The following DOC2B variants were observed in gnomAD, a reference collection of about 807,000 sequenced individuals.
DOC2B encodes the protein double C2 domain beta, also known as double C2-like domain-containing protein beta.
Under a neutral mutation model 28.9 loss-of-function variants are expected in DOC2B, and 21 were observed. The ratio of observed to expected loss-of-function variants is 0.73; its 90% CI spans 0.52 to 1.05. DOC2B has a LOEUF of 1.05. Ranked by LOEUF, DOC2B falls within the 50% of genes least tolerant of loss-of-function variation. DOC2B has a pLI of 0.00. For synonymous variants in DOC2B, 194 were observed against 178.1 expected, an observed-to-expected ratio of 1.09 and a Z score of -0.71; for missense variants, 384 against 421.1, an observed-to-expected ratio of 0.91 and a Z score of 0.77.
At chr17:177,212 C>T in intron 1 of DOC2B, among the ~76,000 whole-genome samples, 1 of 152,086 alleles carries the variant, frequency 6.6e-6, no homozygotes, top group Non-Finnish European at 1.5e-5. Context: ...AGCCATCATC[C>T]CTGCTTCCCA....
intron 1 of DOC2B, among the ~76,000 whole-genome samples, chr17:180,347 G>A (rs2151479165): frequency 6.6e-6 from 1 of 152,224 alleles, no homozygotes; most frequent in South Asian, 2.1e-4. Flanking sequence ...CCGGGACTCC[G>A]GCGCTTGCCT....
chr17:176,225 G>A (rs898760129), intron 1 of DOC2B, among the ~76,000 whole-genome samples: 5 of 151,242 alleles, frequency 3.3e-5, no homozygotes, highest in African/African-American at 1.2e-4. Flanking sequence ...ACAGGGTCTT[G>A]TTCTGTTACC....
Position 144,923 on chromosome 17 carries a change from G to C in DOC2B, c.*2518C>G, listed in dbSNP as rs2040008738. On this transcript the variant is annotated 3_prime_UTR_variant, in exon 9 of 9. Coordinates refer to ENST00000613549, the MANE Select transcript of DOC2B (RefSeq NM_003585.5). ...TTTGCCATTCACTTCTGTGTCTTCA[G>C]AGAGGCTGTCAAATCTCCTCTCTGA... The C allele has an allele frequency of 6.6e-6, 1 of 152,200 alleles. No individual in the cohort carries two copies. The highest frequency in any genetic ancestry group is 1.5e-5 in the Non-Finnish European group (1 of 68,032). 9.4% of individuals were successfully genotyped at this position (152,200 alleles called of 1,614,324 possible).
intron 5 of DOC2B, among the ~76,000 whole-genome samples, chr17:159,716 G>C (rs2040177387): frequency 1.3e-5 from 2 of 152,148 alleles, no homozygotes; most frequent in Admixed American, 1.3e-4. Flanking sequence ...GTGAGTCCCT[G>C]AACGGCACCA....
In DOC2B at chr17:172,577, T is replaced by G. The variant is rs1254125386; in HGVS notation, c.413A>C (p.Gln138Pro). The change falls in exon 2 of 9, where the codon CAG becomes CCG. Residue 138 changes from glutamine (Q) to proline (P), a missense_variant. By Grantham distance (76) the Gln-to-Pro change is moderately conservative. Coordinates refer to ENST00000613549, the MANE Select transcript of DOC2B (RefSeq NM_003585.5). Reference sequence around the variant, plus strand: ...GGTGCAGTGGAGGGCGTTGTTCTCCTGGTCATACAGCAGGCTGAAGTCCAG... The same window carrying G: ...GGTGCAGTGGAGGGCGTTGTTCTCCGGGTCATACAGCAGGCTGAAGTCCAG... The part of the protein sequence containing the change: ...GTLDFSLLYD[Q>P]ENNALHCTIT... The G allele has an allele frequency of 6.4e-7, 1 of 1,551,096 alleles. No individual in the cohort carries two copies. Among genetic ancestry groups the G allele is most frequent in the Non-Finnish European group, 8.7e-7 (1 of 1,146,616 alleles).
intron 6 of DOC2B, among the ~76,000 whole-genome samples, chr17:150,978 T>C (rs940627992): frequency 2.6e-5 from 4 of 152,186 alleles, no homozygotes; most frequent in African/African-American, 4.8e-5. Context: ...GGCAACACCA[T>C]TGAGACAGAA....
At chr17:148,570 G>A (rs2040039833) in intron 7 of DOC2B, among the ~76,000 whole-genome samples, 1 of 151,966 alleles carries the variant, frequency 6.6e-6, no homozygotes, top group African/African-American at 2.4e-5. Context: ...GGCCTCTCTG[G>A]GGCCTGGCTT....
intron 2 of DOC2B, among the ~76,000 whole-genome samples, chr17:165,600 T>G (rs1214182617): frequency 6.6e-6 from 1 of 151,994 alleles, no homozygotes; most frequent in Non-Finnish European, 1.5e-5. Context: ...GTTTGCTCCC[T>G]TCCCTGCACG....
intron 2 of DOC2B, among the ~76,000 whole-genome samples, chr17:170,407 C>T (rs1226325541): frequency 6.6e-6 from 1 of 152,160 alleles, no homozygotes; most frequent in African/African-American, 2.4e-5. Context: ...GGCTGGGGGA[C>T]AGCCTGGGGT....
intron 6 of DOC2B, among the ~76,000 whole-genome samples, chr17:150,494 A>G (rs538996847): frequency 1.4e-3 from 129 of 94,522 alleles, no homozygotes; most frequent in African/African-American, 3.9e-3. Flanking sequence ...GAAAGGCTGC[A>G]TGGTTGACAC....
Position 162,167 on chromosome 17 carries a change from A to C in DOC2B, c.552T>G (p.Thr184=). Residue 184 remains threonine, a synonymous_variant, in exon 4 of 9, where the codon ACT becomes ACG. Coordinates refer to ENST00000613549, the MANE Select transcript of DOC2B (RefSeq NM_003585.5). ...ASKANKLRTK[T]LRNTLNPTWN... Reference sequence around the variant, plus strand: ...ATGTGGGGTTCAGAGTGTTACGGAGAGTTTTTGTTCTGAGCTTATTTGCCT... The same window carrying C: ...ATGTGGGGTTCAGAGTGTTACGGAGCGTTTTTGTTCTGAGCTTATTTGCCT... 1 of 1,551,778 alleles carries C rather than the reference A, an allele frequency of 6.4e-7. No homozygotes were observed. The highest frequency in any genetic ancestry group is 8.7e-7 in the Non-Finnish European group (1 of 1,146,974).
intron 5 of DOC2B, 96 bp from the exon 6 acceptor site, chr17:156,473 G>A (rs2040137260): frequency 2.8e-6 from 4 of 1,409,088 alleles, no homozygotes; most frequent in Non-Finnish European, 3.8e-6. Flanking sequence ...TCCGGCTGCT[G>A]CAGCCGGGCC....
intron 1 of DOC2B, among the ~76,000 whole-genome samples, chr17:175,114 T>C (rs1392800842): frequency 6.6e-6 from 1 of 152,214 alleles, no homozygotes; most frequent in African/African-American, 2.4e-5. Context: ...GGCGCATGCC[T>C]GTGGTCCCAG....
chr17:148,415 C>T (rs1405336465), intron 7 of DOC2B, 146 bp from the exon 8 acceptor site: 2 of 396,678 alleles, frequency 5.0e-6, no homozygotes, highest in African/African-American at 2.1e-5. Context: ...ACATGTCTCG[C>T]CCACTTCCCC....
chr17:173,320 A>C (rs1237226854), intron 1 of DOC2B, among the ~76,000 whole-genome samples: 1 of 152,122 alleles, frequency 6.6e-6, no homozygotes, highest in Non-Finnish European at 1.5e-5. Context: ...TCCATGCAGA[A>C]GCGGCTCCCA....
intron 1 of DOC2B, among the ~76,000 whole-genome samples, chr17:174,747 C>T (rs1024361016): frequency 6.6e-6 from 1 of 152,206 alleles, no homozygotes; most frequent in Non-Finnish European, 1.5e-5. Context: ...GCGCAGACAG[C>T]TCTCACCTAT....
chr17:156,165 C>T (rs930537452), intron 6 of DOC2B, 55 bp downstream of exon 6: 2 of 1,493,144 alleles, frequency 1.3e-6, no homozygotes, highest in African/African-American at 1.4e-5. Context: ...GGCACACGGA[C>T]CCCCGTCCTT....
In DOC2B at chr17:145,159, A is replaced by G. The variant is rs2040009922; in HGVS notation, c.*2282T>C. ...AGACACCTCTGGGGAAGCCTGAAGTAGCACGGATGGTTTCAAAGCCAGCGG... is the reference window on the plus strand; with the variant it reads ...AGACACCTCTGGGGAAGCCTGAAGTGGCACGGATGGTTTCAAAGCCAGCGG... On this transcript the variant is annotated 3_prime_UTR_variant, in exon 9 of 9. Coordinates refer to ENST00000613549, the MANE Select transcript of DOC2B (RefSeq NM_003585.5). The G allele has an allele frequency of 6.6e-6, 1 of 152,182 alleles. No individual in the cohort carries two copies. The highest frequency in any genetic ancestry group is 2.4e-5 in the African/African-American group (1 of 41,404). The allele number at this position is 152,182 out of a possible 1,614,324, so 9.4% of individuals were successfully genotyped here. A position where few individuals can be genotyped will look rare whatever the true frequency, so the allele number is the denominator to read the frequency against.
intron 1 of DOC2B, among the ~76,000 whole-genome samples, chr17:173,193 A>G (rs1195950560): frequency 3.9e-5 from 6 of 152,152 alleles, no homozygotes; most frequent in African/African-American, 1.4e-4. Flanking sequence ...TCTCAATGGC[A>G]GTGGTAACTC....
Sources: allele counts gnomAD v4.1 joint callset (sites outside exome capture counted in the v4.1 genomes callset), GRCh38; gene constraint gnomAD v4.1.1; transcripts MANE v1.5; gene names NCBI Gene and HGNC (gene_info 2026-07-23, HGNC 2026-07-21).